MAPK10: variants seen among roughly 807,000 people sequenced by gnomAD.
The protein encoded by MAPK10 is mitogen-activated protein kinase 10, also known as JNK3 alpha protein kinase.
MAPK10 carries 25 observed loss-of-function variants against 59.3 expected under a neutral mutation model. That is an observed-to-expected ratio of 0.42 (90% CI 0.31 to 0.59). MAPK10 has a LOEUF of 0.59. Among genes scored for constraint, MAPK10 ranks in the 20% least tolerant of loss-of-function variants. MAPK10 has a pLI of 0.15. For synonymous variants in MAPK10, 190 were observed against 200.5 expected (o/e 0.95, Z 0.44); for missense variants, 351 against 568.9 (o/e 0.62, Z 3.90).
intron 3 of MAPK10, among the ~76,000 whole-genome samples, chr4:86,172,185 A>G (rs1315321846): frequency 2.9e-5 from 4 of 140,128 alleles, no homozygotes; most frequent in Admixed American, 2.7e-4. Context: ...AGGGATCTAG[A>G]ACTAGAAATA....
chr4:86,120,568 C>A (rs939000947), intron 4 of MAPK10: 7 of 152,168 alleles, frequency 4.6e-5, no homozygotes, highest in African/African-American at 1.7e-4. Flanking sequence ...ACTGAAGATT[C>A]TTGGAGAAAT....
intron 2 of MAPK10, among the ~76,000 whole-genome samples, chr4:86,246,889 C>T (rs894609560): frequency 6.6e-6 from 1 of 152,176 alleles, no homozygotes; most frequent in Non-Finnish European, 1.5e-5. Flanking sequence ...CCAATCATAT[C>T]ATCCCAACCA....
intron 1 of MAPK10, among the ~76,000 whole-genome samples, chr4:86,554,902 C>T (rs189896850): frequency 6.6e-6 from 1 of 152,304 alleles, no homozygotes; most frequent in East Asian, 1.9e-4. Flanking sequence ...GCCCTAAGCT[C>T]CAAACCACAA....
intron 1 of MAPK10, among the ~76,000 whole-genome samples, chr4:86,519,486 C>T (rs561126560): frequency 2.6e-5 from 4 of 152,100 alleles, no homozygotes; most frequent in Non-Finnish European, 4.4e-5. Flanking sequence ...ATTTTTCCAC[C>T]CCTTTACCTT....
At chr4:86,381,510 T>C (rs900372228) in intron 1 of MAPK10, among the ~76,000 whole-genome samples, 1 of 152,180 alleles carries the variant, frequency 6.6e-6, no homozygotes, top group African/African-American at 2.4e-5. Context: ...ACACTCATGT[T>C]AGCTGTCTCT....
chr4:86,095,984 G>A (rs1193957424), intron 9 of MAPK10, among the ~76,000 whole-genome samples: 1 of 151,546 alleles, frequency 6.6e-6, no homozygotes, highest in Non-Finnish European at 1.5e-5. Flanking sequence ...TAAGTAAAAG[G>A]CTTTCCATTG....
At chr4:86,107,037 T>G (rs983063389) in intron 5 of MAPK10, 186 bp downstream of exon 5, 7 of 428,612 alleles carry the variant, frequency 1.6e-5, no homozygotes, top group Non-Finnish European at 2.5e-5. Flanking sequence ...GGTTTTTAGG[T>G]GATTTTTAAG....
intron 4 of MAPK10, among the ~76,000 whole-genome samples, chr4:86,131,717 A>G (rs977343775): frequency 6.6e-6 from 1 of 152,214 alleles, no homozygotes; most frequent in African/African-American, 2.4e-5. Context: ...GTTAACATTA[A>G]AAAGTGTTCT....
At chr4:86,539,201 C>G (rs1180864367) in intron 1 of MAPK10, among the ~76,000 whole-genome samples, 1 of 152,078 alleles carries the variant, frequency 6.6e-6, no homozygotes, top group Non-Finnish European at 1.5e-5. Flanking sequence ...TAGCCGAGTT[C>G]CCTCACTGAA....
chr4:86,209,018 A>G (rs1231375639), intron 2 of MAPK10, among the ~76,000 whole-genome samples: 1 of 152,096 alleles, frequency 6.6e-6, no homozygotes, highest in Admixed American at 6.6e-5. Context: ...CAAACTGACA[A>G]TAGTTGGTAA....
At chr4:86,052,756 G>A (rs1010814164) in intron 11 of MAPK10, among the ~76,000 whole-genome samples, 3 of 152,084 alleles carry the variant, frequency 2.0e-5, no homozygotes, top group Non-Finnish European at 4.4e-5. Context: ...GTGCTGTGGT[G>A]CAATCTTGGT....
At chr4:86,066,476 G>A (rs1037890427) in intron 10 of MAPK10, among the ~76,000 whole-genome samples, 3 of 152,070 alleles carry the variant, frequency 2.0e-5, no homozygotes, top group Admixed American at 6.6e-5. Flanking sequence ...AGAAAGGGCT[G>A]GGGTTAGCCG....
chr4:86,559,887 C>T (rs570088923), intron 1 of MAPK10, among the ~76,000 whole-genome samples: 2 of 148,586 alleles, frequency 1.3e-5, no homozygotes, highest in South Asian at 4.3e-4. Flanking sequence ...TGCAGTGAGC[C>T]GAGATTGCAA....
At chr4:86,149,336 G>A (rs961736969) in intron 4 of MAPK10, among the ~76,000 whole-genome samples, 1 of 151,886 alleles carries the variant, frequency 6.6e-6, no homozygotes, top group African/African-American at 2.4e-5. Flanking sequence ...CCGCAATCTC[G>A]GCTCACTGCA....
chr4:86,351,850 A>G (rs755690069), intron 2 of MAPK10, among the ~76,000 whole-genome samples: 7 of 152,206 alleles, frequency 4.6e-5, no homozygotes, highest in African/African-American at 7.2e-5. Context: ...TGAGAACTCA[A>G]TAAGTGTTAG....
At chr4:86,556,615 A>C (rs1047981809) in intron 1 of MAPK10, among the ~76,000 whole-genome samples, 4 of 152,194 alleles carry the variant, frequency 2.6e-5, no homozygotes, top group African/African-American at 9.6e-5. Flanking sequence ...GAAATAATAC[A>C]TAAAACAAAT....
intron 1 of MAPK10, among the ~76,000 whole-genome samples, chr4:86,462,690 T>G (rs919219214): frequency 1.3e-5 from 2 of 152,162 alleles, no homozygotes; most frequent in Non-Finnish European, 2.9e-5. Context: ...CCTGGGAATA[T>G]TCAACCAATT....
chr4:86,454,506 GA>G (rs1564896172), upstream of MAPK10, among the ~76,000 whole-genome samples: 1 of 152,004 alleles, frequency 6.6e-6, no homozygotes, highest in Non-Finnish European at 1.5e-5. Flanking sequence ...TAAACAAGCA[GA>G]AGAGCTTCAG....
Position 86,145,069 on chromosome 4 carries a change from C to T in MAPK10, c.236+14229G>A, listed in dbSNP as rs539266563. Among the ~76,000 whole-genome samples the T allele has an allele frequency of 3.3e-5, 5 of 152,214 alleles. No homozygotes were observed. The East Asian group carries it at 7.7e-4, about 24-fold the overall frequency. ...TAGTTTTATCCTCCTTAAAATACAA[C>T]GAAGCAGAAAAGTGGCAATTTTACA... On this transcript the variant is annotated intron_variant, in intron 4 of 13. Transcript: ENST00000641462.
Sources: allele counts gnomAD v4.1 joint callset (sites outside exome capture counted in the v4.1 genomes callset), GRCh38; gene constraint gnomAD v4.1.1; transcripts MANE v1.5; gene names NCBI Gene and HGNC (gene_info 2026-07-23, HGNC 2026-07-21).